Variants in MYLK observed in about 807,000 individuals in gnomAD.
MYLK encodes the protein myosin light chain kinase, smooth muscle.
In MYLK, 106 loss-of-function variants were observed where a neutral mutation model predicts 203.4. The ratio of observed to expected loss-of-function variants is 0.52; its 90% CI spans 0.45 to 0.61. The LOEUF is 0.61. Ranked by LOEUF, MYLK falls within the 20% of genes least tolerant of loss-of-function variation. The probability of loss-of-function intolerance (pLI) is 0.00; values close to 1 mark genes in which losing one functional copy is unlikely to be tolerated. For synonymous variants in MYLK, 867 were observed against 959.5 expected (o/e 0.90, Z 1.78); for missense variants, 2,072 against 2,442.3 (o/e 0.85, Z 3.20).
intron 2 of MYLK, among the ~76,000 whole-genome samples, chr3:123,862,594 T>C (rs1167436602): frequency 1.3e-5 from 2 of 152,176 alleles, no homozygotes; most frequent in African/African-American, 4.8e-5. Context: ...CTTAATCTAT[T>C]TATCTTCTCT....
chr3:123,865,064 A>G (rs1408156911), intron 2 of MYLK, among the ~76,000 whole-genome samples: 1 of 152,080 alleles, frequency 6.6e-6, no homozygotes, highest in Non-Finnish European at 1.5e-5. Context: ...TGTTTTGCCT[A>G]TCTGTGGGGT....
chr3:123,790,937 G>T (rs1257925698), intron 4 of MYLK, among the ~76,000 whole-genome samples: 1 of 152,180 alleles, frequency 6.6e-6, no homozygotes, highest in Non-Finnish European at 1.5e-5. Context: ...TGTCAGCTGT[G>T]ACAGGGACCA....
chr3:123,799,124 G>A (rs1397530765), intron 3 of MYLK, among the ~76,000 whole-genome samples: 1 of 152,124 alleles, frequency 6.6e-6, no homozygotes, highest in East Asian at 1.9e-4. Flanking sequence ...AGAAAAAACA[G>A]GGGAGAGGGT....
intron 3 of MYLK, among the ~76,000 whole-genome samples, chr3:123,798,518 C>T (rs1173961049): frequency 6.6e-6 from 1 of 152,068 alleles, no homozygotes. Context: ...ACCCTCTGTG[C>T]AAGTCCTCTT....
At chr3:123,735,594 C>G (rs2108800350) in intron 8 of MYLK, 178 bp from the exon 9 acceptor site, 1 of 673,588 alleles carries the variant, frequency 1.5e-6, no homozygotes. Context: ...ATTGTCAAAG[C>G]TTCAGGTTCT....
chr3:123,875,558 T>A (rs940385341), intron 2 of MYLK, among the ~76,000 whole-genome samples: 3 of 152,236 alleles, frequency 2.0e-5, no homozygotes, highest in Non-Finnish European at 2.9e-5. Context: ...TGACTATATA[T>A]ACATTTGTCA....
rs370190691 is a variant in MYLK, at chr3:123,700,983, C to T, written c.2485G>A (p.Glu829Lys). The T allele has an allele frequency of 8.7e-5, 140 of 1,606,742 alleles. 2 individuals carry two copies. Among genetic ancestry groups the T allele is most frequent in the African/African-American group, 8.3e-4 (62 of 75,000 alleles). ...CCAACTCCTCCACCACAGAGGTCCT[C>T]GCAGCTGGCAGGCTCCCTCCCCCTG... The part of the protein sequence containing the change: ...LPRGREPASC[E>K]DLCGGGVGAD... Residue 829 changes from glutamate to lysine, a missense_variant, in exon 18 of 34, where the codon GAG becomes AAG. Physicochemically the swap from Glu to Lys is moderately conservative, Grantham distance 56. Coordinates refer to ENST00000360304, the MANE Select transcript of MYLK (RefSeq NM_053025.4).
At position 123,793,379 on chromosome 3, in the gene MYLK, C is replaced by T. The variant is rs535845430; in HGVS notation, c.165+298G>A. Among the ~76,000 whole-genome samples the T allele has an allele frequency of 3.3e-5, 5 of 152,252 alleles. No individual in the cohort carries two copies. In the East Asian group the frequency reaches 9.7e-4, roughly 29 times the overall value. The stretch of plus-strand genomic sequence containing the variant: ...AGCTGTATTCTTCCTGCCACCGGAC[C>T]GCGTCTTCTTTTTCTGTAATTATAT... On this transcript the variant is annotated intron_variant, in intron 4 of 33. Coordinates refer to ENST00000360304, the MANE Select transcript of MYLK (RefSeq NM_053025.4).
chr3:123,737,299 G>A (rs757157905), intron 8 of MYLK, 79 bp downstream of exon 8: 34 of 1,572,072 alleles, frequency 2.2e-5, no homozygotes, highest in East Asian at 6.7e-5. Flanking sequence ...ACACAGGTGC[G>A]CAGTGAACAA....
intron 4 of MYLK, among the ~76,000 whole-genome samples, chr3:123,790,571 T>C (rs535616446): frequency 2.6e-5 from 4 of 152,280 alleles, no homozygotes; most frequent in East Asian, 1.9e-4. Context: ...AGTCACTAGA[T>C]AGAAAGAGGA....
intron 19 of MYLK, chr3:123,691,603 A>G (rs577548365): frequency 6.6e-6 from 1 of 152,346 alleles, no homozygotes; most frequent in African/African-American, 2.4e-5. Flanking sequence ...CAGGAAACCA[A>G]TTGTAAAGTC....
chr3:123,744,630 G>T (rs1461182706), intron 5 of MYLK, among the ~76,000 whole-genome samples: 1 of 152,050 alleles, frequency 6.6e-6, no homozygotes, highest in East Asian at 1.9e-4. Flanking sequence ...TTTATCACAG[G>T]ACTTCAAGGT....
At chr3:123,736,501 G>A (rs2062677328) in intron 8 of MYLK, among the ~76,000 whole-genome samples, 1 of 152,078 alleles carries the variant, frequency 6.6e-6, no homozygotes, top group Non-Finnish European at 1.5e-5. Context: ...TCCCTCCTCA[G>A]CCCGGACTTG....
intron 20 of MYLK, among the ~76,000 whole-genome samples, chr3:123,675,862 A>T (rs2060056553): frequency 6.6e-6 from 1 of 152,120 alleles, no homozygotes; most frequent in African/African-American, 2.4e-5. Flanking sequence ...CCACTCCCCT[A>T]CTGTATACGC....
chr3:123,642,426 GAGAC>G lies in MYLK; in HGVS notation c.4620-1926_4620-1923del, dbSNP rs1465007691. On this transcript the variant is annotated intron_variant, in intron 27 of 33. Transcript: ENST00000360304. The surrounding 1 kb of genome is among the most constrained non-coding windows in gnomAD (Gnocchi z 4.2). ...TCTTGTCACTGACCCCTGCAGGAGA[GAGAC>G]AGGGATGCACTGTGGGGCCCAGCAT... is the stretch of plus-strand genomic sequence containing the variant. Among the ~76,000 whole-genome samples, 2 of 152,206 alleles carry G rather than the reference GAGAC, an allele frequency of 1.3e-5. No individual in the cohort carries two copies. The highest frequency in any genetic ancestry group is 2.9e-5 in the Non-Finnish European group (2 of 68,026).
At chr3:123,711,213 G>A (rs1278946468) in intron 13 of MYLK, among the ~76,000 whole-genome samples, 2 of 151,958 alleles carry the variant, frequency 1.3e-5, no homozygotes, top group South Asian at 2.1e-4. Context: ...GGCAGGGGAC[G>A]GGGGGTTGGA....
intron 20 of MYLK, among the ~76,000 whole-genome samples, chr3:123,676,217 G>T (rs1203035587): frequency 6.6e-6 from 1 of 152,354 alleles, no homozygotes; most frequent in Non-Finnish European, 1.5e-5. Context: ...CCTGTGGGTG[G>T]GAGTGTGCCA....
chr3:123,732,451 G>A (rs923031725), intron 11 of MYLK, among the ~76,000 whole-genome samples: 2 of 152,096 alleles, frequency 1.3e-5, no homozygotes, highest in African/African-American at 4.8e-5. Context: ...GAGTCATAAG[G>A]TTATATATTG....
At chr3:123,795,348 C>T (rs1019324589) in intron 3 of MYLK, among the ~76,000 whole-genome samples, 5 of 152,160 alleles carry the variant, frequency 3.3e-5, no homozygotes, top group African/African-American at 9.7e-5. Context: ...TTATGATGCC[C>T]GGTGATGAGT....
Sources: gnomAD v4.1 joint callset for allele counts (sites outside exome capture counted in the v4.1 genomes callset) on GRCh38, gnomAD v4.1.1 for gene constraint, Gnocchi (gnomAD v3.1) non-coding constraint, MANE v1.5 for transcripts, NCBI Gene and HGNC (gene_info 2026-07-23, HGNC 2026-07-21) for gene names.